Variants in NOL11 observed in about 807,000 individuals in gnomAD.
The protein encoded by NOL11 is nucleolar protein 11.
A neutral mutation model predicts 93.0 loss-of-function variants in NOL11; 42 were observed. That is an observed-to-expected ratio of 0.45 (90% CI 0.35 to 0.58). NOL11 has a LOEUF of 0.58. Among genes scored for constraint, NOL11 ranks in the 20% least tolerant of loss-of-function variants. The pLI is 0.00. For synonymous variants in NOL11, 296 were observed against 293.7 expected (o/e 1.01, Z -0.08); for missense variants, 775 against 841.8 (o/e 0.92, Z 0.98).
chr17:67,738,485 T>A, intron 14 of NOL11, 130 bp downstream of exon 14: 1 of 643,920 alleles, frequency 1.6e-6, no homozygotes, highest in Non-Finnish European at 2.7e-6. Flanking sequence ...TGTTTCTGTT[T>A]GAAAATAGAT....
chr17:67,728,239 G>A (rs778791138), intron 7 of NOL11, among the ~76,000 whole-genome samples: 175 of 152,250 alleles, frequency 1.1e-3, no homozygotes, highest in Middle Eastern at 3.4e-3. Context: ...CAGCCTGGGG[G>A]ACAGAGCAAG....
At chr17:67,728,625 G>GT (rs912250311) in intron 7 of NOL11, among the ~76,000 whole-genome samples, 221 of 151,060 alleles carry the variant, frequency 1.5e-3, no homozygotes, top group African/African-American at 4.7e-3. Context: ...TCTTCCTATG[G>GT]TTTTTTTTTG....
In NOL11 at chr17:67,726,560, A is replaced by G. The variant is rs1373351510; in HGVS notation, c.765A>G (p.Val255=). ...AATCACTGCTGCTCAAGGCTGTTGTATCTGGTAACGCTCGAAATGGAGTTG... is the reference window on the plus strand; with the variant it reads ...AATCACTGCTGCTCAAGGCTGTTGTGTCTGGTAACGCTCGAAATGGAGTTG... ...LVKSLLLKAV[V]SGNARNGVAL... The change falls in exon 7 of 18, where the codon GTA becomes GTG. Residue 255 remains valine (V), a synonymous_variant. Coordinates refer to ENST00000253247, the MANE Select transcript of NOL11 (RefSeq NM_015462.5). The G allele has an allele frequency of 6.2e-7, 1 of 1,614,048 alleles. No homozygotes were observed. The highest frequency in any genetic ancestry group is 8.5e-7 in the Non-Finnish European group (1 of 1,180,034).
chr17:67,723,009 T>C (rs1270138109), intron 5 of NOL11, among the ~76,000 whole-genome samples: 2 of 7,046 alleles, frequency 2.8e-4, no homozygotes, highest in African/African-American at 5.0e-4. Flanking sequence ...TCAAAACTTT[T>C]TTTTTTTTTT....
chr17:67,719,007 A>G (rs1223058914), intron 1 of NOL11: 1 of 152,262 alleles, frequency 6.6e-6, no homozygotes, highest in African/African-American at 2.4e-5. Flanking sequence ...ATGCAGAGGC[A>G]TAATATAATC....
intron 15 of NOL11, among the ~76,000 whole-genome samples, chr17:67,739,305 A>G (rs2055232922): frequency 6.6e-6 from 1 of 152,208 alleles, no homozygotes; most frequent in Admixed American, 6.5e-5. Context: ...ATTATTTACA[A>G]ACAATGAGCT....
intron 17 of NOL11, 70 bp from the exon 18 acceptor site, chr17:67,743,673 A>G (rs2286917): frequency 0.84 from 1,017,040 of 1,207,842 alleles, 432,722 homozygotes; most frequent in Non-Finnish European, 0.87. Context: ...TCCTTAAATA[A>G]CTTACTCATG....
At position 67,739,590 on chromosome 17, in the gene NOL11, C is replaced by T. The variant is rs1305132862; in HGVS notation, c.1917C>T (p.His639=). 3.8e-6 allele frequency: 6 copies of T among 1,589,688 alleles called. No homozygotes were observed. In the African/African-American group the frequency reaches 6.8e-5, roughly 18 times the overall value. Residue 639 remains histidine (H), a synonymous_variant, in exon 16 of 18, where the codon CAC becomes CAT. Transcript: ENST00000253247. Reference sequence around the variant, plus strand: ...CTACTATGACTCTTCCTGGAATACACCCACCTACCTTGAACCAGGTGAGAT... The same window carrying T: ...CTACTATGACTCTTCCTGGAATACATCCACCTACCTTGAACCAGGTGAGAT... ...ENATMTLPGI[H]PPTLNQIMDW...
At position 67,729,831 on chromosome 17, in the gene NOL11, G is replaced by A. The variant is rs147529166; in HGVS notation, c.853+3183G>A. Among the ~76,000 whole-genome samples, 120 of 152,012 alleles carry A rather than the reference G, an allele frequency of 7.9e-4. 1 individual carries two copies. In the East Asian group the frequency reaches 0.022, roughly 28 times the overall value. On this transcript the variant is annotated intron_variant, in intron 7 of 17. Transcript: ENST00000253247. The stretch of plus-strand genomic sequence containing the variant: ...CCTGACCTCATGATCCGCCCACCTC[G>A]GCCTCCCAAAGTGCCGGGATTACAG...
At chr17:67,731,033 A>G (rs542462829) in intron 7 of NOL11, among the ~76,000 whole-genome samples, 2 of 152,204 alleles carry the variant, frequency 1.3e-5, no homozygotes, top group South Asian at 2.1e-4. Flanking sequence ...TGTGTTGAAC[A>G]TTTTTTCATA....
At position 67,717,951 on chromosome 17, in the gene NOL11, G is replaced by A. The variant is rs2043187089; in HGVS notation, c.4G>A (p.Ala2Thr). The change falls in exon 1 of 18, where the codon GCA becomes ACA. Residue 2 changes from alanine to threonine, a missense_variant. Physicochemically the swap from Ala to Thr is moderately conservative, Grantham distance 58. Coordinates refer to ENST00000253247, the MANE Select transcript of NOL11 (RefSeq NM_015462.5). ...GCCGTACTTAGGTTTGCTCAAAATGGCAGCGCTGGAGGAAGAATTCACGTT... is the reference window on the plus strand; with the variant it reads ...GCCGTACTTAGGTTTGCTCAAAATGACAGCGCTGGAGGAAGAATTCACGTT... M[A>T]ALEEEFTLSS... 2 of 1,614,034 alleles carry A rather than the reference G, an allele frequency of 1.2e-6. No homozygotes were observed. The highest frequency in any genetic ancestry group is 8.5e-7 in the Non-Finnish European group (1 of 1,180,006).
chr17:67,743,628 A>G (rs771349680), intron 17 of NOL11, 42 bp downstream of exon 17: 44 of 1,289,058 alleles, frequency 3.4e-5, no homozygotes, highest in Non-Finnish European at 4.5e-5. Flanking sequence ...TTTGTACCCA[A>G]GTATCACCTG....
chr17:67,739,939 A>G (rs1567805949), intron 16 of NOL11, among the ~76,000 whole-genome samples: 2 of 152,168 alleles, frequency 1.3e-5, no homozygotes, highest in Non-Finnish European at 2.9e-5. Flanking sequence ...ATCATCTCTT[A>G]AGAATAAGAG....
chr17:67,733,181 T>C lies in NOL11; in HGVS notation c.854-1182T>C, dbSNP rs192067155. 1.5e-3 allele frequency among the ~76,000 whole-genome samples: 226 copies of C among 151,780 alleles called. 2 individuals are homozygous for C. The highest frequency in any genetic ancestry group is 5.7e-4 in the Non-Finnish European group (39 of 67,920). On this transcript the variant is annotated intron_variant, in intron 7 of 17. Coordinates refer to ENST00000253247, the MANE Select transcript of NOL11 (RefSeq NM_015462.5). ...GAGTTCGAGACCAGCCTGGCCATCATGGTGAAACCCCTGTCTCTACTAAAA... is the reference window on the plus strand; with the variant it reads ...GAGTTCGAGACCAGCCTGGCCATCACGGTGAAACCCCTGTCTCTACTAAAA...
chr17:67,736,077 A>G (rs1044255359), intron 9 of NOL11, 54 bp downstream of exon 9: 12 of 1,455,214 alleles, frequency 8.2e-6, no homozygotes, highest in Middle Eastern at 2.3e-4. Context: ...ATTAACTTGT[A>G]GTTTCGTACA....
intron 6 of NOL11, among the ~76,000 whole-genome samples, chr17:67,725,914 TAAAAG>T (rs971838099): frequency 6.6e-6 from 1 of 152,150 alleles, no homozygotes; most frequent in Non-Finnish European, 1.5e-5. Context: ...ACCCTATGTC[TAAAAG>T]AAAATTTTTT....
rs367813958 is a variant in NOL11, at chr17:67,720,724, G to A, written c.313-654G>A. Among the ~76,000 whole-genome samples the A allele has an allele frequency of 1.1e-4, 17 of 152,330 alleles. No homozygotes were observed. The South Asian group carries it at 3.3e-3, about 30-fold the overall frequency. ...TCATTTTTTCTTACTTATAAAATGA[G>A]GATCTTAAACTAGGTTAATCTTGAA... On this transcript the variant is annotated intron_variant, in intron 3 of 17. Transcript: ENST00000253247.
rs368663501 is a variant in NOL11, at chr17:67,724,276, T to C, written c.664+83T>C. 187 of 790,874 alleles carry C rather than the reference T, an allele frequency of 2.4e-4. No individual in the cohort carries two copies. In the African/African-American group the frequency reaches 2.9e-3, roughly 12 times the overall value. 49.0% of individuals were successfully genotyped at this position (790,874 alleles called of 1,614,324 possible). On this transcript the variant is annotated intron_variant, in intron 6 of 17. Transcript: ENST00000253247. ...GTGTATGTTTTTGAATCGTAGACTTTGTGAAGCATTCAGTTACAGCCATTT... is the reference window on the plus strand; with the variant it reads ...GTGTATGTTTTTGAATCGTAGACTTCGTGAAGCATTCAGTTACAGCCATTT...
chr17:67,736,223 A>G (rs1232517644), intron 9 of NOL11, among the ~76,000 whole-genome samples, 200 bp downstream of exon 9: 1 of 151,760 alleles, frequency 6.6e-6, no homozygotes, highest in East Asian at 1.9e-4. Flanking sequence ...AGGCGGGAGG[A>G]TAGCTTGAGC....
Sources: gnomAD v4.1 joint callset for allele counts (sites outside exome capture counted in the v4.1 genomes callset) on GRCh38, gnomAD v4.1.1 for gene constraint, MANE v1.5 for transcripts, NCBI Gene and HGNC (gene_info 2026-07-23, HGNC 2026-07-21) for gene names.